The following HIKESHI variants were observed in gnomAD, a reference collection of about 807,000 sequenced individuals.
HIKESHI encodes the protein protein Hikeshi.
A neutral mutation model predicts 25.7 loss-of-function variants in HIKESHI; 13 were observed. The ratio of observed to expected loss-of-function variants is 0.51; its 90% confidence interval spans 0.33 to 0.80. The LOEUF is 0.80. Ranked by LOEUF, HIKESHI falls within the 30% of genes least tolerant of loss-of-function variation. The pLI, the probability that HIKESHI is intolerant of heterozygous loss-of-function variation, is 0.02. For synonymous variants in HIKESHI, 76 were observed against 78.7 expected (o/e 0.97, Z 0.18); for missense variants, 174 against 229.5 (o/e 0.76, Z 1.56).
At chr11:86,307,871 A>G (rs1316907006) in intron 2 of HIKESHI, among the ~76,000 whole-genome samples, 5 of 127,408 alleles carry the variant, frequency 3.9e-5, no homozygotes, top group Non-Finnish European at 7.7e-5. Context: ...ATTATATAAA[A>G]TATATATTAT....
At chr11:86,306,004 CAA>C (rs1946613140) in intron 1 of HIKESHI, among the ~76,000 whole-genome samples, 1 of 152,134 alleles carries the variant, frequency 6.6e-6, no homozygotes, top group African/African-American at 2.4e-5. Flanking sequence ...TGGCCTCCCA[CAA>C]AGTGTTGGGA....
At chr11:86,315,662 A>G (rs1371687531) in intron 2 of HIKESHI, among the ~76,000 whole-genome samples, 1 of 152,252 alleles carries the variant, frequency 6.6e-6, no homozygotes, top group Non-Finnish European at 1.5e-5. Context: ...AAGTGAAGAA[A>G]TATATTTTCA....
At chr11:86,342,163 T>C (rs777737355) in intron 3 of HIKESHI, among the ~76,000 whole-genome samples, 70 of 152,362 alleles carry the variant, frequency 4.6e-4, no homozygotes, top group Non-Finnish European at 8.8e-5. Context: ...TTTCCTTTTA[T>C]AGGAATTGAC....
intron 2 of HIKESHI, among the ~76,000 whole-genome samples, chr11:86,308,169 T>C (rs990524132): frequency 6.6e-5 from 9 of 136,556 alleles, no homozygotes; most frequent in African/African-American, 2.5e-4. Context: ...ATATATTACA[T>C]ATAAAATATA....
intron 3 of HIKESHI, chr11:86,343,919 G>A (rs1362624441): frequency 6.6e-6 from 1 of 152,180 alleles, no homozygotes; most frequent in East Asian, 1.9e-4. Context: ...TTGATTCTCA[G>A]GAAATGTGAG....
chr11:86,318,194 C>T (rs1947040712), intron 2 of HIKESHI, among the ~76,000 whole-genome samples: 1 of 149,528 alleles, frequency 6.7e-6, no homozygotes, highest in Non-Finnish European at 1.5e-5. Flanking sequence ...ATCCTAGCTA[C>T]TTGAGAGGCT....
chr11:86,328,305 C>T (rs960523634), intron 2 of HIKESHI, among the ~76,000 whole-genome samples: 1 of 151,948 alleles, frequency 6.6e-6, no homozygotes, highest in African/African-American at 2.4e-5. Context: ...GTCACCCAGA[C>T]TGGAGTGCAG....
chr11:86,345,680 G>C lies in HIKESHI; in HGVS notation c.*42G>C. 1 of 1,276,126 alleles carries C rather than the reference G, an allele frequency of 7.8e-7. No homozygotes were observed. Among genetic ancestry groups the C allele is most frequent in the South Asian group, 1.4e-5 (1 of 73,672 alleles). 79.1% of individuals were successfully genotyped at this position (1,276,126 alleles called of 1,614,324 possible). A position where few individuals can be genotyped will look rare whatever the true frequency, so the allele number is the denominator to read the frequency against. On this transcript the variant is annotated 3_prime_UTR_variant, in exon 5 of 5. Coordinates refer to ENST00000278483, the MANE Select transcript of HIKESHI (RefSeq NM_016401.4). The stretch of plus-strand genomic sequence containing the variant: ...TTTAATGGATTCTGAAATTTGTCAT[G>C]TTTTGAAGATAACTGACTCCATCTA...
chr11:86,316,162 T>G (rs1477001938), intron 2 of HIKESHI, among the ~76,000 whole-genome samples: 1 of 126,370 alleles, frequency 7.9e-6, no homozygotes, highest in Non-Finnish European at 1.6e-5. Flanking sequence ...ATCATTAGAC[T>G]AAGTGGAGGA....
chr11:86,316,128 A>AT (rs1946971807), intron 2 of HIKESHI, among the ~76,000 whole-genome samples: 2 of 151,276 alleles, frequency 1.3e-5, no homozygotes, highest in Non-Finnish European at 2.9e-5. Flanking sequence ...AAAAAAAAAA[A>AT]AAAAAAAAAA....
intron 1 of HIKESHI, among the ~76,000 whole-genome samples, chr11:86,305,637 C>T (rs1426527460): frequency 6.6e-6 from 1 of 151,936 alleles, no homozygotes; most frequent in Non-Finnish European, 1.5e-5. Context: ...CCTGGCCTCC[C>T]AGAGTGCCAG....
intron 2 of HIKESHI, among the ~76,000 whole-genome samples, chr11:86,330,810 C>T (rs1218832591): frequency 6.6e-6 from 1 of 151,920 alleles, no homozygotes; most frequent in Non-Finnish European, 1.5e-5. Context: ...TAATTTCTAG[C>T]CTTAGCAGTA....
At chr11:86,315,946 A>G (rs1250989804) in intron 2 of HIKESHI, among the ~76,000 whole-genome samples, 6 of 152,034 alleles carry the variant, frequency 3.9e-5, no homozygotes, top group Non-Finnish European at 8.8e-5. Flanking sequence ...AAGGAGAGTA[A>G]TAATATTGAT....
At position 86,306,274 on chromosome 11, in the gene HIKESHI, G is replaced by A; in HGVS notation, c.60G>A (p.Glu20=). 6.2e-7 allele frequency: 1 copy of A among 1,613,720 alleles called. No individual in the cohort carries two copies. Among genetic ancestry groups the A allele is most frequent in the Non-Finnish European group, 8.5e-7 (1 of 1,179,692 alleles). ...LVQTAAQQVA[E]DKFVFDLPDY... ...AAACAGCTGCACAGCAAGTGGCAGA[G>A]GATAAATTTGTTTTTGACTTACCTG... The change falls in exon 2 of 5, where the codon GAG becomes GAA. Residue 20 remains glutamate (E), a synonymous_variant. Transcript: ENST00000278483.
In HIKESHI at chr11:86,305,617, G is replaced by T. The variant is rs964226228; in HGVS notation, c.31-628G>T. ...GCCAGGCTGGTTTCGAACTCCTGAC[G>T]TCGTGTGATCCTGGCCTCCCAGAGT... On this transcript the variant is annotated intron_variant, in intron 1 of 4. Transcript: ENST00000278483. Among the ~76,000 whole-genome samples the T allele has an allele frequency of 3.1e-4, 46 of 149,942 alleles. 2 individuals are homozygous for T. Among genetic ancestry groups the T allele is most frequent in the Non-Finnish European group, 1.2e-4 (8 of 67,468 alleles).
chr11:86,338,414 GATAATGGAT>G (rs1411755132), intron 3 of HIKESHI, among the ~76,000 whole-genome samples: 1 of 152,182 alleles, frequency 6.6e-6, no homozygotes, highest in Non-Finnish European at 1.5e-5. Flanking sequence ...CTTTAGACAG[GATAATGGAT>G]ATATGGGTAC....
intron 2 of HIKESHI, among the ~76,000 whole-genome samples, chr11:86,333,782 GA>G (rs367720229): frequency 0.014 from 2,124 of 148,570 alleles, 62 homozygotes; most frequent in African/African-American, 0.049. Context: ...GTATAGGAAT[GA>G]AAAAAAAAAT....
chr11:86,322,801 A>T (rs10128747), intron 2 of HIKESHI, among the ~76,000 whole-genome samples: 34,954 of 151,880 alleles, frequency 0.23, 4,975 homozygotes, highest in Non-Finnish European at 0.31. Flanking sequence ...TGTCAAAAAA[A>T]TTTTTTTTGG....
intron 2 of HIKESHI, among the ~76,000 whole-genome samples, chr11:86,321,657 G>C (rs1202833682): frequency 2.6e-5 from 4 of 151,718 alleles, no homozygotes; most frequent in Non-Finnish European, 5.9e-5. Context: ...AGCTTCCTGA[G>C]TAGTTGGAAT....
Sources: gnomAD v4.1 joint callset for allele counts (sites outside exome capture counted in the v4.1 genomes callset) on GRCh38, gnomAD v4.1.1 for gene constraint, MANE v1.5 for transcripts, NCBI Gene and HGNC (gene_info 2026-07-23, HGNC 2026-07-21) for gene names.